Variants in KIAA1217 observed in about 807,000 individuals in gnomAD.
The protein encoded by KIAA1217 is KIAA1217.
In KIAA1217, 88 loss-of-function variants were observed where a neutral mutation model predicts 163.9. The observed-to-expected ratio is 0.54, with a 90% confidence interval of 0.45 to 0.64. The LOEUF (loss-of-function observed/expected upper bound fraction) is 0.64, where lower values mean the gene tolerates loss of function less well. Ranked by LOEUF, KIAA1217 falls within the 30% of genes least tolerant of loss-of-function variation. The pLI is 0.00. For synonymous variants in KIAA1217, 903 were observed against 923.1 expected (o/e 0.98, Z 0.39); for missense variants, 2,372 against 2,475.0 (o/e 0.96, Z 0.88).
At chr10:24,333,318 G>T (rs1247330466) in intron 2 of KIAA1217, among the ~76,000 whole-genome samples, 2 of 152,120 alleles carry the variant, frequency 1.3e-5, no homozygotes, top group African/African-American at 4.8e-5. Flanking sequence ...AGCCACCACA[G>T]GGTACTTACT....
chr10:23,765,532 G>A (rs535903828), intron 1 of KIAA1217, among the ~76,000 whole-genome samples: 1 of 152,148 alleles, frequency 6.6e-6, no homozygotes, highest in South Asian at 2.1e-4. Flanking sequence ...ACATGGTTTG[G>A]CTCTGTGTCC....
At chr10:23,929,315 T>C (rs12241701) in intron 1 of KIAA1217, among the ~76,000 whole-genome samples, 6,022 of 152,152 alleles carry the variant, frequency 0.04, 387 homozygotes, top group African/African-American at 0.14. Flanking sequence ...TTTTATTTTA[T>C]TTTTTATTTT....
chr10:24,428,947 G>A (rs955508670), intron 3 of KIAA1217, among the ~76,000 whole-genome samples: 2 of 151,688 alleles, frequency 1.3e-5, no homozygotes, highest in African/African-American at 4.8e-5. Flanking sequence ...ATTAAAATAT[G>A]AATTATAACA....
At chr10:24,486,387 T>C (rs906579674) in intron 6 of KIAA1217, among the ~76,000 whole-genome samples, 1 of 152,224 alleles carries the variant, frequency 6.6e-6, no homozygotes, top group Admixed American at 6.5e-5. Context: ...CCTATTGTCC[T>C]TGTACAATAC....
chr10:24,193,284 T>A (rs1025147924), intron 2 of KIAA1217, among the ~76,000 whole-genome samples: 1 of 152,226 alleles, frequency 6.6e-6, no homozygotes, highest in Non-Finnish European at 1.5e-5. Flanking sequence ...TCAGTAAAGA[T>A]ACAAATCTTA....
In KIAA1217 at chr10:23,761,244, AAAAC is replaced by A. The variant is rs906965460; in HGVS notation, c.-321+66022_-321+66025del. 5.9e-5 allele frequency among the ~76,000 whole-genome samples: 9 copies of A among 152,184 alleles called. No homozygotes were observed. The East Asian group carries it at 1.5e-3, about 26-fold the overall frequency. ...AGTGTGGCTGACCTTCATCTCTTAA[AAAAC>A]AAACAAACAAAAAACAACCCTGATC... On this transcript the variant is annotated intron_variant, in intron 1 of 18. Transcript: ENST00000376462.
intron 1 of KIAA1217, among the ~76,000 whole-genome samples, chr10:23,721,186 C>T (rs1446627408): frequency 6.6e-6 from 1 of 152,184 alleles, no homozygotes; most frequent in Non-Finnish European, 1.5e-5. Flanking sequence ...TCAGATGTAA[C>T]TTCCAAAGTG....
intron 1 of KIAA1217, among the ~76,000 whole-genome samples, chr10:23,790,227 G>A (rs62646925): frequency 0.2 from 268 of 1,312 alleles, 126 homozygotes; most frequent in Middle Eastern, 0.5. Context: ...ATATGCATAT[G>A]CACATATGCA....
rs182064685 is a variant in KIAA1217 at position 23,930,796 on chromosome 10, C to G, written c.-320-76429C>G. ...GTTAACTCAGTGGGAACATGGACTCCTGAGGGTGAGGCCTGGATTTCCTGC... is the reference window on the plus strand; with the variant it reads ...GTTAACTCAGTGGGAACATGGACTCGTGAGGGTGAGGCCTGGATTTCCTGC... On this transcript the variant is annotated intron_variant, in intron 1 of 18. Transcript: ENST00000376462. 1.5e-4 allele frequency among the ~76,000 whole-genome samples: 23 copies of G among 152,256 alleles called. No individual in the cohort carries two copies. In the East Asian group the frequency reaches 3.3e-3, roughly 22 times the overall value.
chr10:24,172,102 A>G (rs1004607811), intron 2 of KIAA1217, among the ~76,000 whole-genome samples: 2 of 152,210 alleles, frequency 1.3e-5, no homozygotes, highest in Admixed American at 6.5e-5. Flanking sequence ...TTTGGCTATT[A>G]TACTGAGAGT....
At chr10:24,086,144 C>T (rs1296735624) in intron 2 of KIAA1217, among the ~76,000 whole-genome samples, 1 of 151,940 alleles carries the variant, frequency 6.6e-6, no homozygotes. Flanking sequence ...TGACATGGTG[C>T]CTGGTCTTGA....
chr10:24,005,612 T>A lies in KIAA1217; in HGVS notation c.-320-1613T>A, dbSNP rs970014066. On this transcript the variant is annotated intron_variant, in intron 1 of 18. Transcript: ENST00000376462. ...AAACTCACTTTCCTTTATAGTAATG[T>A]GTGAGATCACTTCTACCTTTCCAGA... Among the ~76,000 whole-genome samples, 6 of 152,354 alleles carry A rather than the reference T, an allele frequency of 3.9e-5. No homozygotes were observed. In the East Asian group the frequency reaches 1.2e-3, roughly 29 times the overall value.
At chr10:24,258,106 A>C (rs1465343834) in intron 2 of KIAA1217, among the ~76,000 whole-genome samples, 3 of 152,112 alleles carry the variant, frequency 2.0e-5, no homozygotes, top group Admixed American at 2.0e-4. Context: ...ACTTGAGCCC[A>C]AGAGGTCAAG....
chr10:23,936,378 C>A (rs186150085), intron 1 of KIAA1217, among the ~76,000 whole-genome samples: 2 of 152,260 alleles, frequency 1.3e-5, no homozygotes, highest in African/African-American at 2.4e-5. Context: ...CCGGCCCCAA[C>A]AAGAGATATG....
intron 2 of KIAA1217, among the ~76,000 whole-genome samples, chr10:24,223,476 C>T (rs1044162922): frequency 6.6e-6 from 1 of 152,098 alleles, no homozygotes; most frequent in Non-Finnish European, 1.5e-5. Context: ...TCCCAGGCTT[C>T]CTTTGCAGGA....
chr10:23,834,630 T>G lies in KIAA1217; in HGVS notation c.-321+139396T>G, dbSNP rs190701184. Reference sequence around the variant, plus strand: ...ACTCATAAAAATGATGAGAGAAATCTTCATTAAAATGGCAAGGGGGCAGTG... The same window carrying G: ...ACTCATAAAAATGATGAGAGAAATCGTCATTAAAATGGCAAGGGGGCAGTG... On this transcript the variant is annotated intron_variant, in intron 1 of 18. Coordinates refer to the KIAA1217 transcript ENST00000376462. Among the ~76,000 whole-genome samples the G allele has an allele frequency of 3.2e-4, 48 of 152,220 alleles. No individual in the cohort carries two copies. The South Asian group carries it at 6.0e-3, about 19-fold the overall frequency.
At chr10:24,127,283 C>G (rs1397229555) in intron 2 of KIAA1217, among the ~76,000 whole-genome samples, 1 of 152,012 alleles carries the variant, frequency 6.6e-6, no homozygotes, top group Non-Finnish European at 1.5e-5. Context: ...ATAAATGCAG[C>G]CACAGCCTGG....
At chr10:23,797,535 TCA>T (rs1383382008) in intron 1 of KIAA1217, among the ~76,000 whole-genome samples, 1 of 152,026 alleles carries the variant, frequency 6.6e-6, no homozygotes, top group Admixed American at 6.6e-5. Flanking sequence ...TTTAATTGAC[TCA>T]CAGTTCCACA....
intron 1 of KIAA1217, among the ~76,000 whole-genome samples, chr10:23,888,703 C>A (rs1226713702): frequency 1.3e-5 from 2 of 151,782 alleles, no homozygotes; most frequent in African/African-American, 4.8e-5. Context: ...TTAGTCTGTT[C>A]TTAGAAAAAT....
Sources: gnomAD v4.1 joint callset for allele counts (sites outside exome capture counted in the v4.1 genomes callset) on GRCh38, gnomAD v4.1.1 for gene constraint, MANE v1.5 for transcripts, NCBI Gene and HGNC (gene_info 2026-07-23, HGNC 2026-07-21) for gene names.